Variants in RTN4RL1 observed in about 807,000 individuals in gnomAD.
RTN4RL1 encodes reticulon-4 receptor-like 1.
Under a neutral mutation model 25.6 loss-of-function variants are expected in RTN4RL1, and 7 were observed. The ratio of observed to expected loss-of-function variants is 0.27; its 90% CI spans 0.16 to 0.51. The LOEUF is 0.51. Among genes scored for constraint, RTN4RL1 ranks in the 20% least tolerant of loss-of-function variants. The pLI, the probability that RTN4RL1 is intolerant of heterozygous loss-of-function variation, is 0.97. For synonymous variants in RTN4RL1, 297 were observed against 288.2 expected, an observed-to-expected ratio of 1.03 and a Z score of -0.31; for missense variants, 500 against 615.6, an observed-to-expected ratio of 0.81 and a Z score of 1.99.
chr17:1,950,442 G>A lies in RTN4RL1; in HGVS notation c.14-12634C>T, dbSNP rs138716279. On this transcript the variant is annotated intron_variant, in intron 1 of 1. Coordinates refer to ENST00000331238, the MANE Select transcript of RTN4RL1 (RefSeq NM_178568.4). ...CAGGGCACAGCTGAGGATGCATAAC[G>A]TCCGAGAAGCCTTAGAGAGATGTTT... is the stretch of plus-strand genomic sequence containing the variant. Among the ~76,000 whole-genome samples the A allele has an allele frequency of 2.0e-3, 297 of 152,272 alleles. 1 individual carries two copies. Among genetic ancestry groups the A allele is most frequent in the African/African-American group, 3.6e-3 (151 of 41,550 alleles).
intron 1 of RTN4RL1, among the ~76,000 whole-genome samples, chr17:1,958,655 G>A (rs887300685): frequency 4.6e-5 from 7 of 152,332 alleles, no homozygotes; most frequent in African/African-American, 1.4e-4. Context: ...CTTGAAAGAG[G>A]TTGCTAAAGA....
intron 1 of RTN4RL1, among the ~76,000 whole-genome samples, chr17:1,970,082 C>T (rs901576945): frequency 1.8e-4 from 26 of 148,386 alleles, no homozygotes; most frequent in African/African-American, 5.8e-4. Flanking sequence ...AGTGCAATGG[C>T]GCAATCTCAA....
intron 1 of RTN4RL1, among the ~76,000 whole-genome samples, chr17:1,985,444 C>A (rs112543500): frequency 1.6e-4 from 24 of 152,314 alleles, no homozygotes; most frequent in African/African-American, 5.5e-4. Context: ...TGCATCAAAT[C>A]CTACTGAGTC....
Position 1,937,598 on chromosome 17 carries a change from C to T in RTN4RL1, c.224G>A (p.Ser75Asn), listed in dbSNP as rs1346083755. ...GATCCACAGGGTGACCATGGCGGGG[C>T]TGAAGTGGCCGGGCTGGAGGAGGCC... is the stretch of plus-strand genomic sequence containing the variant. ...RIGLLQPGHF[S>N]PAMVTLWIYS... Residue 75 changes from serine to asparagine, a missense_variant, in exon 2 of 2, where the codon AGC becomes AAC. This residue lies in a region of RTN4RL1 where 232 missense variants were observed against 341.1 expected (regional missense o/e 0.68). Transcript: ENST00000331238. 1 of 1,613,920 alleles carries T rather than the reference C, an allele frequency of 6.2e-7. No homozygotes were observed. Among genetic ancestry groups the T allele is most frequent in the Non-Finnish European group, 8.5e-7 (1 of 1,179,830 alleles).
chr17:1,982,741 C>T (rs2066873041), intron 1 of RTN4RL1, among the ~76,000 whole-genome samples: 1 of 152,210 alleles, frequency 6.6e-6, no homozygotes, highest in South Asian at 2.1e-4. Context: ...CGCCAGGCTC[C>T]CCGACAGCTC....
chr17:1,988,522 AGAAAAG>A (rs747457149), intron 1 of RTN4RL1, among the ~76,000 whole-genome samples: 4 of 85,346 alleles, frequency 4.7e-5, no homozygotes, highest in Admixed American at 1.2e-4. Flanking sequence ...AAAAAAAAAA[AGAAAAG>A]AAAAGAAAAA....
intron 1 of RTN4RL1, among the ~76,000 whole-genome samples, chr17:1,977,818 T>G (rs919698714): frequency 3.3e-5 from 5 of 151,874 alleles, no homozygotes; most frequent in African/African-American, 1.2e-4. Context: ...CGAGCGGCGC[T>G]CCCGGGAGCC....
chr17:1,949,283 G>A (rs540773591), intron 1 of RTN4RL1, among the ~76,000 whole-genome samples: 87 of 151,238 alleles, frequency 5.8e-4, no homozygotes, highest in Non-Finnish European at 1.2e-3. Context: ...TTTTAGTAGA[G>A]ACGGGGTTTC....
chr17:1,950,455 T>C (rs894311364), intron 1 of RTN4RL1, among the ~76,000 whole-genome samples: 2 of 151,972 alleles, frequency 1.3e-5, no homozygotes, highest in African/African-American at 2.4e-5. Context: ...CGAGAAGCCT[T>C]AGAGAGATGT....
chr17:1,937,594 G>A lies in RTN4RL1; in HGVS notation c.228C>T (p.Pro76=), dbSNP rs767369312. The change falls in exon 2 of 2, where the codon CCC becomes CCT. Residue 76 remains proline, a synonymous_variant. Coordinates refer to ENST00000331238, the MANE Select transcript of RTN4RL1 (RefSeq NM_178568.4). The part of the protein sequence containing the change: ...IGLLQPGHFS[P]AMVTLWIYSN... ...AGTAGATCCACAGGGTGACCATGGC[G>A]GGGCTGAAGTGGCCGGGCTGGAGGA... 73 of 1,613,826 alleles carry A rather than the reference G, an allele frequency of 4.5e-5. No homozygotes were observed. The highest frequency in any genetic ancestry group is 3.3e-4 in the Middle Eastern group (2 of 6,084).
In RTN4RL1 at chr17:1,965,471, T is replaced by A. The variant is rs924232640; in HGVS notation, c.14-27663A>T. Among the ~76,000 whole-genome samples, 5 of 152,164 alleles carry A rather than the reference T, an allele frequency of 3.3e-5. No homozygotes were observed. In the South Asian group the frequency reaches 8.3e-4, roughly 25 times the overall value. ...TAATGTACCTGTGGCTGCACAGAGT[T>A]GGTCTTGAGTGGGGAACACAGGCTC... On this transcript the variant is annotated intron_variant, in intron 1 of 1. Transcript: ENST00000331238.
chr17:1,940,990 C>T (rs745752321), intron 1 of RTN4RL1, among the ~76,000 whole-genome samples: 22 of 152,170 alleles, frequency 1.4e-4, no homozygotes, highest in Middle Eastern at 3.2e-3. Flanking sequence ...GGCAGGGGGA[C>T]GGGGTGATAT....
chr17:1,954,893 G>A (rs574399213), intron 1 of RTN4RL1, among the ~76,000 whole-genome samples: 4 of 152,296 alleles, frequency 2.6e-5, no homozygotes, highest in East Asian at 1.9e-4. Context: ...GCAGCCAGAC[G>A]ACCCCAGGGT....
chr17:1,981,142 G>GTCCT (rs10647223), intron 1 of RTN4RL1, among the ~76,000 whole-genome samples: 35,504 of 151,720 alleles, frequency 0.23, 4,631 homozygotes, highest in Middle Eastern at 0.34. Context: ...GCAGCACTTT[G>GTCCT]GGAGGCTGAG....
intron 1 of RTN4RL1, among the ~76,000 whole-genome samples, chr17:1,963,901 A>AT (rs1220525564): frequency 1.3e-5 from 2 of 151,934 alleles, no homozygotes. Context: ...CTCATTTTGC[A>AT]TTTTTAGTAG....
At chr17:1,947,889 G>A (rs1915590054) in intron 1 of RTN4RL1, among the ~76,000 whole-genome samples, 4 of 152,216 alleles carry the variant, frequency 2.6e-5, no homozygotes, top group African/African-American at 9.6e-5. Context: ...TGAGGTCTGG[G>A]AACTGCGGGT....
intron 1 of RTN4RL1, among the ~76,000 whole-genome samples, chr17:1,961,547 G>C (rs1034793870): frequency 6.6e-6 from 1 of 152,020 alleles, no homozygotes; most frequent in Non-Finnish European, 1.5e-5. Context: ...TGAGAGGAAA[G>C]AAAGGGTGGA....
chr17:1,945,435 C>G (rs1339273691), intron 1 of RTN4RL1, among the ~76,000 whole-genome samples: 2 of 152,144 alleles, frequency 1.3e-5, no homozygotes, highest in African/African-American at 4.8e-5. Context: ...GTTGGCCAGG[C>G]TGGTCTTGAA....
chr17:2,012,288 C>T (rs2067060188), intron 1 of RTN4RL1, among the ~76,000 whole-genome samples: 1 of 152,256 alleles, frequency 6.6e-6, no homozygotes, highest in East Asian at 1.9e-4. Flanking sequence ...TGGGCATCCT[C>T]TGTGGTCCAG....
Sources: allele counts gnomAD v4.1 joint callset (sites outside exome capture counted in the v4.1 genomes callset), GRCh38; gene constraint gnomAD v4.1.1; regional missense constraint gnomAD v4.1.1; transcripts MANE v1.5; gene names NCBI Gene and HGNC (gene_info 2026-07-23, HGNC 2026-07-21).